CCDC85C: variants seen among roughly 807,000 people sequenced by gnomAD.
CCDC85C encodes the protein coiled-coil domain-containing protein 85C.
In CCDC85C, 18 loss-of-function variants were observed where a neutral mutation model predicts 38.3. The observed-to-expected ratio is 0.47, with a 90% CI of 0.33 to 0.70. The LOEUF is 0.70. Ranked by LOEUF, CCDC85C falls within the 30% of genes least tolerant of loss-of-function variation. CCDC85C has a pLI of 0.03. For missense variants in CCDC85C, 566 were observed against 621.2 expected (o/e 0.91, Z 0.94); for synonymous variants, 264 against 293.8 (o/e 0.90, Z 1.04).
At chr14:99,540,163 A>G (rs867585773) in intron 1 of CCDC85C, among the ~76,000 whole-genome samples, 7 of 148,086 alleles carry the variant, frequency 4.7e-5, no homozygotes, top group African/African-American at 1.8e-4. Flanking sequence ...AAGGGGGGGG[A>G]ACGGATTAAA....
intron 1 of CCDC85C, among the ~76,000 whole-genome samples, chr14:99,555,409 G>A (rs1169631402): frequency 2.6e-5 from 4 of 152,186 alleles, no homozygotes; most frequent in Non-Finnish European, 4.4e-5. Context: ...GTGACAACAC[G>A]TGCCCTGGCC....
rs1430518055 is a variant in CCDC85C at position 99,504,962 on chromosome 14, G to C, written c.*10284C>G. ...GGAGCAATAAGTTGGAAGTACGCAAGTGAGCAAAGGAATTGAGAATCAGGG... is the reference window on the plus strand; with the variant it reads ...GGAGCAATAAGTTGGAAGTACGCAACTGAGCAAAGGAATTGAGAATCAGGG... On this transcript the variant is annotated 3_prime_UTR_variant, in exon 6 of 6. Coordinates refer to ENST00000380243, the MANE Select transcript of CCDC85C (RefSeq NM_001144995.2). 1 of 152,298 alleles carries C rather than the reference G, an allele frequency of 6.6e-6. No individual in the cohort carries two copies. The highest frequency in any genetic ancestry group is 1.9e-4 in the East Asian group (1 of 5,212). 9.4% of individuals were successfully genotyped at this position (152,298 alleles called of 1,614,324 possible). A position where few individuals can be genotyped will look rare whatever the true frequency, so the allele number is the denominator to read the frequency against.
Position 99,604,163 on chromosome 14 carries a change from G to A in CCDC85C, c.-204C>T. 3.0e-6 allele frequency: 1 copy of A among 335,800 alleles called. No homozygotes were observed. Among genetic ancestry groups the A allele is most frequent in the Non-Finnish European group, 4.2e-6 (1 of 238,328 alleles). The allele number at this position is 335,800 out of a possible 1,614,324, so 20.8% of individuals were successfully genotyped here. ...CGCCTCGGGGTTGACGAGCGGAGGC[G>A]GCTGCTGCGTCGGCGGCCGCGGTGC... On this transcript the variant is annotated 5_prime_UTR_variant, in exon 1 of 6. Transcript: ENST00000380243.
intron 2 of CCDC85C, among the ~76,000 whole-genome samples, chr14:99,526,560 AC>A (rs751688268): frequency 6.6e-6 from 1 of 151,974 alleles, no homozygotes; most frequent in Non-Finnish European, 1.5e-5. Context: ...CCCAGTGACC[AC>A]CCCGTCCCCA....
At chr14:99,540,334 G>A (rs1369627976) in intron 1 of CCDC85C, among the ~76,000 whole-genome samples, 19 of 152,124 alleles carry the variant, frequency 1.2e-4, no homozygotes. Context: ...TCAGGAGCAG[G>A]CACTCTTCAG....
intron 1 of CCDC85C, among the ~76,000 whole-genome samples, chr14:99,552,999 T>C (rs969226149): frequency 6.6e-6 from 1 of 152,128 alleles, no homozygotes; most frequent in Non-Finnish European, 1.5e-5. Flanking sequence ...TGGCCCTCAA[T>C]GGGAGAAGGA....
intron 1 of CCDC85C, among the ~76,000 whole-genome samples, chr14:99,556,950 G>C (rs954550328): frequency 6.6e-6 from 1 of 151,044 alleles, no homozygotes; most frequent in Non-Finnish European, 1.5e-5. Flanking sequence ...TAAGCAATGA[G>C]GTCAAAACAG....
chr14:99,599,668 C>T (rs2055179172), intron 1 of CCDC85C, among the ~76,000 whole-genome samples: 1 of 152,102 alleles, frequency 6.6e-6, no homozygotes, highest in Non-Finnish European at 1.5e-5. Flanking sequence ...GGCAGGAGGA[C>T]TGCTTGAACC....
intron 1 of CCDC85C, among the ~76,000 whole-genome samples, chr14:99,570,995 T>A (rs1409810734): frequency 6.6e-6 from 1 of 151,958 alleles, no homozygotes; most frequent in East Asian, 1.9e-4. Context: ...CAGCACAAAG[T>A]CAGCCCTGGA....
chr14:99,541,257 T>C (rs1250268117), intron 1 of CCDC85C, among the ~76,000 whole-genome samples: 1 of 152,174 alleles, frequency 6.6e-6, no homozygotes, highest in African/African-American at 2.4e-5. Flanking sequence ...GTAGCTGCAA[T>C]GAGCTCCTCA....
At chr14:99,542,653 C>G (rs919702902) in intron 1 of CCDC85C, among the ~76,000 whole-genome samples, 3 of 152,172 alleles carry the variant, frequency 2.0e-5, no homozygotes, top group African/African-American at 7.2e-5. Context: ...TCAGCACCAC[C>G]CATCCTGGGC....
At chr14:99,556,238 G>A (rs1898008303) in intron 1 of CCDC85C, among the ~76,000 whole-genome samples, 1 of 152,164 alleles carries the variant, frequency 6.6e-6, no homozygotes, top group South Asian at 2.1e-4. Flanking sequence ...GCAACATAGC[G>A]GCATCCCGCC....
In CCDC85C at chr14:99,545,147, T is replaced by C. The variant is rs1327609200; in HGVS notation, c.794-9059A>G. Among the ~76,000 whole-genome samples the C allele has an allele frequency of 6.6e-6, 1 of 152,172 alleles. No individual in the cohort carries two copies. Among genetic ancestry groups the C allele is most frequent in the Non-Finnish European group, 1.5e-5 (1 of 68,030 alleles). ...TGAGTGCACGCCTGTCCTCTCAGTG[T>C]CATCTGTCCCCTCGTGGGCCACTCT... On this transcript the variant is annotated intron_variant, in intron 1 of 5. Transcript: ENST00000380243. The surrounding 1 kb of genome is among the most constrained non-coding windows in gnomAD (Gnocchi z 4.7).
chr14:99,552,911 G>T (rs1282448721), intron 1 of CCDC85C, among the ~76,000 whole-genome samples: 3 of 152,196 alleles, frequency 2.0e-5, no homozygotes, highest in Non-Finnish European at 4.4e-5. Flanking sequence ...CCCAAAATAG[G>T]ACTAACAGAC....
At chr14:99,517,010 C>A (rs1262771883) in intron 4 of CCDC85C, 78 bp downstream of exon 4, 2 of 1,348,466 alleles carry the variant, frequency 1.5e-6, no homozygotes, top group African/African-American at 1.4e-5. Context: ...CTTGGATACC[C>A]CTAGGTGCAA....
At chr14:99,539,559 C>G (rs1251488572) in intron 1 of CCDC85C, among the ~76,000 whole-genome samples, 3 of 151,858 alleles carry the variant, frequency 2.0e-5, no homozygotes, top group African/African-American at 7.3e-5. Context: ...CCAACAACAG[C>G]TGAGGGTTCT....
intron 1 of CCDC85C, among the ~76,000 whole-genome samples, chr14:99,573,464 C>T (rs1898401790): frequency 6.6e-6 from 1 of 152,244 alleles, no homozygotes; most frequent in Non-Finnish European, 1.5e-5. Context: ...GAAGGAAAAC[C>T]AGCTGAGGCC....
At chr14:99,555,756 G>A (rs898457612) in intron 1 of CCDC85C, among the ~76,000 whole-genome samples, 3 of 152,154 alleles carry the variant, frequency 2.0e-5, no homozygotes, top group Non-Finnish European at 4.4e-5. Flanking sequence ...TCTGCCTGCT[G>A]GAGACCAAGA....
In CCDC85C at chr14:99,508,072, C is replaced by T. The variant is rs925279964; in HGVS notation, c.*7174G>A. On this transcript the variant is annotated 3_prime_UTR_variant, in exon 6 of 6. Coordinates refer to ENST00000380243, the MANE Select transcript of CCDC85C (RefSeq NM_001144995.2). Reference sequence around the variant, plus strand: ...CCAGCCTGCTACACTCACTGTTGGTCGGTGCACGTGGCTCACACTGGGGCT... The same window carrying T: ...CCAGCCTGCTACACTCACTGTTGGTTGGTGCACGTGGCTCACACTGGGGCT... The T allele has an allele frequency of 2.6e-5, 4 of 152,224 alleles. No homozygotes were observed. Among genetic ancestry groups the T allele is most frequent in the African/African-American group, 4.8e-5 (2 of 41,432 alleles). The allele number at this position is 152,224 out of a possible 1,614,324, so 9.4% of individuals were successfully genotyped here. A position where few individuals can be genotyped will look rare whatever the true frequency, so the allele number is the denominator to read the frequency against.
Sources: gnomAD v4.1 joint callset for allele counts (sites outside exome capture counted in the v4.1 genomes callset) on GRCh38, gnomAD v4.1.1 for gene constraint, Gnocchi (gnomAD v3.1) non-coding constraint, MANE v1.5 for transcripts, NCBI Gene and HGNC (gene_info 2026-07-23, HGNC 2026-07-21) for gene names.